Variants in SERPINB10 observed in about 807,000 individuals in gnomAD.
SERPINB10 encodes serpin B10.
A neutral mutation model predicts 39.1 loss-of-function variants in SERPINB10; 35 were observed. The ratio of observed to expected loss-of-function variants is 0.90; its 90% CI spans 0.68 to 1.19. SERPINB10 has a LOEUF of 1.19. Ranked by LOEUF, SERPINB10 falls within the 50% of genes most tolerant of loss-of-function variation. The pLI, the probability that SERPINB10 is intolerant of heterozygous loss-of-function variation, is 0.00. For missense variants in SERPINB10, 546 were observed against 460.5 expected (o/e 1.19, Z -1.70); for synonymous variants, 190 against 158.1 (o/e 1.20, Z -1.52).
chr18:63,910,193 C>A (rs757393995), intron 1 of SERPINB10, among the ~76,000 whole-genome samples: 1 of 151,994 alleles, frequency 6.6e-6, no homozygotes, highest in Non-Finnish European at 1.5e-5. Flanking sequence ...AGCTCTCATT[C>A]TAGGTTTCTC....
chr18:63,927,493 G>T (rs1381878511), intron 5 of SERPINB10, among the ~76,000 whole-genome samples: 1 of 152,066 alleles, frequency 6.6e-6, no homozygotes, highest in East Asian at 1.9e-4. Context: ...TGTGGCTAGG[G>T]CTTGCTCTAT....
intron 6 of SERPINB10, among the ~76,000 whole-genome samples, chr18:63,931,761 CATT>C (rs2050223973): frequency 6.6e-6 from 1 of 152,114 alleles, no homozygotes; most frequent in Non-Finnish European, 1.5e-5. Flanking sequence ...ATTGATACAT[CATT>C]ATTAACTAAA....
Position 63,907,993 on chromosome 18 carries a change from T to C in SERPINB10, c.-57T>C. 2 of 346,614 alleles carry C rather than the reference T, an allele frequency of 5.8e-6. No homozygotes were observed. Among genetic ancestry groups the C allele is most frequent in the Non-Finnish European group, 1.2e-5 (2 of 168,596 alleles). The allele number at this position is 346,614 out of a possible 1,614,324, so 21.5% of individuals were successfully genotyped here. ...TTCTCAACTCTTCAGCCACAATCTC[T>C]TACTACAGGAGCAAATTGCCAATTC... On this transcript the variant is annotated 5_prime_UTR_variant, in exon 1 of 8. Coordinates refer to ENST00000238508, the MANE Select transcript of SERPINB10 (RefSeq NM_005024.3).
In SERPINB10 at chr18:63,934,738, C is replaced by A. The variant is rs1003377434; in HGVS notation, c.790-100C>A. 4.1e-6 allele frequency: 5 copies of A among 1,218,396 alleles called. No homozygotes were observed. The African/African-American group carries it at 7.6e-5, about 18-fold the overall frequency. The allele number at this position is 1,218,396 out of a possible 1,614,324, so 75.5% of individuals were successfully genotyped here. ...TGTCACCCTGAGTAACGGGAGTGAT[C>A]ATAATTCACCTATGTAATTCCTAGG... On this transcript the variant is annotated intron_variant, in intron 7 of 7. Transcript: ENST00000238508.
At chr18:63,913,004 G>A (rs1323815722) in intron 1 of SERPINB10, among the ~76,000 whole-genome samples, 2 of 151,880 alleles carry the variant, frequency 1.3e-5, no homozygotes, top group African/African-American at 4.8e-5. Context: ...ATTTAATCTT[G>A]AGAGGTTGTG....
intron 1 of SERPINB10, among the ~76,000 whole-genome samples, chr18:63,910,324 A>G (rs1368690731): frequency 6.6e-6 from 1 of 151,834 alleles, no homozygotes; most frequent in African/African-American, 2.4e-5. Flanking sequence ...TTTACTTTTG[A>G]CTCAGAGGGT....
At chr18:63,927,482 G>A (rs984401344) in intron 5 of SERPINB10, among the ~76,000 whole-genome samples, 11 of 152,164 alleles carry the variant, frequency 7.2e-5, no homozygotes, top group South Asian at 2.1e-4. Flanking sequence ...GAGATTCAGC[G>A]TGTGGCTAGG....
chr18:63,917,856 T>C, intron 3 of SERPINB10, 109 bp from the exon 4 acceptor site: 1 of 989,558 alleles, frequency 1.0e-6, no homozygotes, highest in Non-Finnish European at 1.5e-6. Flanking sequence ...TAGGAACATT[T>C]TCAACTTTTG....
chr18:63,915,452 G>T, intron 1 of SERPINB10, 50 bp from the exon 2 acceptor site: 1 of 1,344,450 alleles, frequency 7.4e-7, no homozygotes, highest in Non-Finnish European at 1.0e-6. Flanking sequence ...CAAAGGTGAA[G>T]TGGAAATAAA....
At chr18:63,913,191 A>T (rs1279714225) in intron 1 of SERPINB10, among the ~76,000 whole-genome samples, 1 of 151,740 alleles carries the variant, frequency 6.6e-6, no homozygotes, top group Non-Finnish European at 1.5e-5. Flanking sequence ...TCTAGCCTGC[A>T]GTCTATCAAT....
intron 1 of SERPINB10, among the ~76,000 whole-genome samples, chr18:63,911,026 G>C (rs1220150965): frequency 2.0e-5 from 3 of 151,924 alleles, no homozygotes; most frequent in Non-Finnish European, 4.4e-5. Context: ...GTTTGGACTT[G>C]CATTTCTCTA....
chr18:63,925,430 C>A (rs1373401682), intron 5 of SERPINB10, among the ~76,000 whole-genome samples: 2 of 151,884 alleles, frequency 1.3e-5, no homozygotes. Context: ...AGAGCTGGGA[C>A]AAGCGAAGTA....
rs1307834353 is a variant in SERPINB10, at chr18:63,934,868, A to T, written c.820A>T (p.Asn274Tyr). 6.2e-7 allele frequency: 1 copy of T among 1,610,338 alleles called. No homozygotes were observed. The highest frequency in any genetic ancestry group is 1.7e-5 in the Admixed American group (1 of 59,266). The change falls in exon 8 of 8, where the codon AAT becomes TAT. Residue 274 changes from asparagine to tyrosine, a missense_variant. Asn to Tyr is a moderately radical substitution (Grantham distance 143). Transcript: ENST00000238508. ...AAAGGCCATCACCTATGAGAAGCTG[A>T]ATGAGTGGACCAGTGCAGACATGAT... Reference protein sequence around the residue: ...LEKAITYEKLNEWTSADMMEL... With the variant: ...LEKAITYEKLYEWTSADMMEL...
intron 7 of SERPINB10, 137 bp from the exon 8 acceptor site, chr18:63,934,701 A>T: frequency 2.5e-6 from 2 of 812,468 alleles, no homozygotes; most frequent in Non-Finnish European, 3.7e-6. Context: ...GGATTTCCAG[A>T]TGTGTGTGTG....
At chr18:63,926,494 T>G (rs968306004) in intron 5 of SERPINB10, among the ~76,000 whole-genome samples, 2 of 151,986 alleles carry the variant, frequency 1.3e-5, no homozygotes, top group Non-Finnish European at 1.5e-5. Flanking sequence ...CACGTGTTTT[T>G]GGGGGACACA....
intron 4 of SERPINB10, among the ~76,000 whole-genome samples, chr18:63,918,713 T>C (rs9955171): frequency 0.26 from 39,533 of 151,870 alleles, 5,805 homozygotes; most frequent in African/African-American, 0.39. Context: ...CAATGCTATC[T>C]CTGTTCAAAT....
intron 5 of SERPINB10, among the ~76,000 whole-genome samples, chr18:63,925,480 T>C (rs1349294098): frequency 6.6e-6 from 1 of 151,942 alleles, no homozygotes; most frequent in Non-Finnish European, 1.5e-5. Flanking sequence ...TGTAAGGAAA[T>C]GCTCAAAATA....
intron 2 of SERPINB10, among the ~76,000 whole-genome samples, chr18:63,915,996 T>C (rs2050099645): frequency 6.6e-6 from 1 of 152,006 alleles, no homozygotes; most frequent in African/African-American, 2.4e-5. Context: ...AAGTAATTGG[T>C]CAAACTTTAA....
intron 7 of SERPINB10, among the ~76,000 whole-genome samples, chr18:63,933,725 T>C (rs1376817431): frequency 2.0e-5 from 3 of 152,248 alleles, no homozygotes; most frequent in Non-Finnish European, 4.4e-5. Flanking sequence ...ATCAATACTG[T>C]CTTCAAGAAT....
Sources: allele counts gnomAD v4.1 joint callset (sites outside exome capture counted in the v4.1 genomes callset), GRCh38; gene constraint gnomAD v4.1.1; transcripts MANE v1.5; gene names NCBI Gene and HGNC (gene_info 2026-07-23, HGNC 2026-07-21).